Variants in CACNA1H observed in about 807,000 individuals in gnomAD.
CACNA1H encodes voltage-dependent T-type calcium channel subunit alpha-1H.
Under a neutral mutation model 192.5 loss-of-function variants are expected in CACNA1H, and 149 were observed. The observed-to-expected ratio is 0.77, with a 90% CI of 0.68 to 0.89. The LOEUF (loss-of-function observed/expected upper bound fraction) is 0.89. CACNA1H is among the 40% of genes least tolerant of loss of function. The pLI, the probability that CACNA1H is intolerant of heterozygous loss-of-function variation, is 0.00. For missense variants in CACNA1H, 4,257 were observed against 3,423.5 expected (o/e 1.24, Z -6.08); for synonymous variants, 2,202 against 1,475.2 (o/e 1.49, Z -11.29).
At chr16:1,212,950 C>G (rs1355316105) in intron 26 of CACNA1H, among the ~76,000 whole-genome samples, 1 of 152,252 alleles carries the variant, frequency 6.6e-6, no homozygotes, top group Non-Finnish European at 1.5e-5. Flanking sequence ...CTCTTCCAGG[C>G]CCTGGGCCAG....
rs376628149 is a variant in CACNA1H at position 1,219,071 on chromosome 16, G to A, written c.5989G>A (p.Ala1997Thr). 2.3e-4 allele frequency: 358 copies of A among 1,549,756 alleles called. 1 individual carries two copies. In the East Asian group the frequency reaches 3.2e-3, roughly 14 times the overall value. ...AGCCAGGAGCGGCGAGCCCCTCCAC[G>A]CCCTGTCCCCTCGGGGCACAGCCCG... ...SPARSGEPLH[A>T]LSPRGTARSP... The change falls in exon 34 of 35, where the codon GCC (alanine) becomes ACC (threonine). Residue 1997 changes from alanine (A) to threonine (T), a missense_variant. Coordinates refer to ENST00000348261, the MANE Select transcript of CACNA1H (RefSeq NM_021098.3).
Position 1,218,439 on chromosome 16 carries a change from G to A in CACNA1H, c.5675G>A (p.Arg1892His), listed in dbSNP as rs58667649. 1.9e-4 allele frequency: 301 copies of A among 1,552,680 alleles called. 3 individuals are homozygous for A. The Middle Eastern group carries it at 2.7e-3, about 14-fold the overall frequency. ...LEMAQGPGSA[R>H]RVDADRPPLP... ...ATGGCGCAGGGCCCCGGGAGTGCACGCCGGGTGGACGCGGACAGGCCTCCC... is the reference window on the plus strand; with the variant it reads ...ATGGCGCAGGGCCCCGGGAGTGCACACCGGGTGGACGCGGACAGGCCTCCC... The change falls in exon 33 of 35, where the codon CGC becomes CAC. Residue 1892 changes from arginine (R) to histidine (H), a missense_variant. Coordinates refer to ENST00000348261, the MANE Select transcript of CACNA1H (RefSeq NM_021098.3).
In CACNA1H at chr16:1,201,955, A is replaced by G; in HGVS notation, c.1505A>G (p.His502Arg). 1 of 1,546,252 alleles carries G rather than the reference A, an allele frequency of 6.5e-7. No individual in the cohort carries two copies. Among genetic ancestry groups the G allele is most frequent in the Non-Finnish European group, 8.7e-7 (1 of 1,144,932 alleles). Residue 502 changes from histidine to arginine, a missense_variant, in exon 9 of 35, where the codon CAC becomes CGC. Coordinates refer to ENST00000348261, the MANE Select transcript of CACNA1H (RefSeq NM_021098.3). ...GCTGTGCAAGGCCAGGGTCCCGGGC[A>G]CCGCCAGCGCCGGGCAGGCAGGCAC... ...PSAVQGQGPG[H>R]RQRRAGRHTA... is the part of the protein sequence containing the mutation.
chr16:1,212,652 G>GT lies in CACNA1H; in HGVS notation c.4777+125dup, dbSNP rs530709036. ...GCACAGGCAGCCGGAGGTGCTGGGC[G>GT]TGTGGCGTGAGGAGGGGCTGCGCTC... On this transcript the variant is annotated intron_variant, in intron 26 of 34. Transcript: ENST00000348261. The GT allele has an allele frequency of 1.1e-3, 1,296 of 1,214,686 alleles. 8 individuals are homozygous for GT. In the African/African-American group the frequency reaches 0.016, roughly 15 times the overall value. The allele number at this position is 1,214,686 out of a possible 1,614,324, so 75.2% of individuals were successfully genotyped here.
At chr16:1,155,010 C>T (rs561093664) in intron 2 of CACNA1H, among the ~76,000 whole-genome samples, 50 of 152,294 alleles carry the variant, frequency 3.3e-4, no homozygotes, top group African/African-American at 1.2e-3. Flanking sequence ...AGAGACCCTG[C>T]CCGCAGACGT....
intron 2 of CACNA1H, among the ~76,000 whole-genome samples, chr16:1,193,345 G>C (rs1198818027): frequency 6.6e-6 from 1 of 152,248 alleles, no homozygotes; most frequent in Non-Finnish European, 1.5e-5. Flanking sequence ...TGCCGGGTCA[G>C]GAGGCTGGGA....
intron 2 of CACNA1H, among the ~76,000 whole-genome samples, chr16:1,175,155 T>TGC (rs926217469): frequency 2.6e-5 from 4 of 151,832 alleles, no homozygotes; most frequent in African/African-American, 9.7e-5. Context: ...TGCCCTACTG[T>TGC]GCGCGCGGGC....
rs1197696504 is a variant in CACNA1H, at chr16:1,206,735, C to G, written c.2790-266C>G. The stretch of plus-strand genomic sequence containing the variant: ...GGTGTCCCAGGTTCCAGTTGCCACC[C>G]AAATCCAGAGTGGCTTCCCTCTGTC... On this transcript the variant is annotated intron_variant, in intron 12 of 34. Coordinates refer to ENST00000348261, the MANE Select transcript of CACNA1H (RefSeq NM_021098.3). The G allele has an allele frequency of 8.2e-6, 4 of 488,110 alleles. No individual in the cohort carries two copies. In the Admixed American group the frequency reaches 1.0e-4, roughly 13 times the overall value. 30.2% of individuals were successfully genotyped at this position (488,110 alleles called of 1,614,324 possible). A position where few individuals can be genotyped will look rare whatever the true frequency, so the allele number is the denominator to read the frequency against.
chr16:1,215,151 C>G, intron 28 of CACNA1H, 70 bp downstream of exon 28: 1 of 1,581,264 alleles, frequency 6.3e-7, no homozygotes, highest in Admixed American at 1.8e-5. Context: ...GCAGGTGAGG[C>G]CGCAGGCTTT....
rs957311944 is a variant in CACNA1H, at chr16:1,211,381, G to C, written c.4350+87G>C. 13 of 1,605,924 alleles carry C rather than the reference G, an allele frequency of 8.1e-6. No individual in the cohort carries two copies. The Admixed American group carries it at 8.4e-5, about 10-fold the overall frequency. ...GTGGCTCCCAGCAGCGCCGCTGCGGGACGGGGAGGGACAGCTCGGGCCTCA... is the reference window on the plus strand; with the variant it reads ...GTGGCTCCCAGCAGCGCCGCTGCGGCACGGGGAGGGACAGCTCGGGCCTCA... On this transcript the variant is annotated intron_variant, in intron 22 of 34. Transcript: ENST00000348261.
At position 1,211,762 on chromosome 16, in the gene CACNA1H, A is replaced by C. The variant is rs1270074774; in HGVS notation, c.4523A>C (p.Asn1508Thr). ...FVLSSKDGWV[N>T]IMYDGLDAVG... ...CTGTCATCCAAGGATGGATGGGTGAACATCATGTACGACGGGCTGGATGCC... is the reference window on the plus strand; with the variant it reads ...CTGTCATCCAAGGATGGATGGGTGACCATCATGTACGACGGGCTGGATGCC... Residue 1508 changes from asparagine to threonine, a missense_variant, in exon 24 of 35, where the codon AAC becomes ACC. Coordinates refer to ENST00000348261, the MANE Select transcript of CACNA1H (RefSeq NM_021098.3). The C allele has an allele frequency of 6.2e-7, 1 of 1,612,608 alleles. No individual in the cohort carries two copies. The highest frequency in any genetic ancestry group is 8.5e-7 in the Non-Finnish European group (1 of 1,179,742).
intron 31 of CACNA1H, among the ~76,000 whole-genome samples, chr16:1,217,357 C>G (rs1279159781): frequency 6.6e-6 from 1 of 152,228 alleles, no homozygotes; most frequent in African/African-American, 2.4e-5. Context: ...GTCACATGGT[C>G]CCAGGAGACA....
rs1968847313 is a variant in CACNA1H, at chr16:1,207,263, G to GCTATCCC, written c.2908-10_2908-4dup. 4 of 1,598,382 alleles carry GCTATCCC rather than the reference G, an allele frequency of 2.5e-6. No individual in the cohort carries two copies. The East Asian group carries it at 6.8e-5, about 27-fold the overall frequency. On this transcript the variant is annotated splice_polypyrimidine_tract_variant and intron_variant, in intron 13 of 34. Transcript: ENST00000348261. ...CTGGGGTGACCACCCCAGGCCCCCT[G>GCTATCCC]CTATCCCCCAGATCCTGACCCAGGA...
intron 14 of CACNA1H, 59 bp downstream of exon 14, chr16:1,207,489 C>A (rs1198529962): frequency 6.4e-7 from 1 of 1,558,568 alleles, no homozygotes; most frequent in Non-Finnish European, 8.8e-7. Flanking sequence ...AGACGGGCTT[C>A]AGGTCGAGGG....
chr16:1,156,200 A>G (rs1277776580), intron 2 of CACNA1H, among the ~76,000 whole-genome samples: 3 of 152,164 alleles, frequency 2.0e-5, no homozygotes, highest in African/African-American at 7.2e-5. Flanking sequence ...CCCAGCTCCA[A>G]ACGCAGTGAT....
At position 1,194,989 on chromosome 16, in the gene CACNA1H, G is replaced by T. The variant is rs1350187334; in HGVS notation, c.317G>T (p.Ser106Ile). Reference protein sequence around the residue: ...LVCNPWFEHVSMLVIMLNCVT... With the variant: ...LVCNPWFEHVIMLVIMLNCVT... ...GGCGACACATGGTTCGAGCACGTGAGCATGCTGGTAATCATGCTCAACTGC... is the reference window on the plus strand; with the variant it reads ...GGCGACACATGGTTCGAGCACGTGATCATGCTGGTAATCATGCTCAACTGC... The change falls in exon 3 of 35, where the codon AGC becomes ATC. Residue 106 changes from serine to isoleucine, a missense_variant. Transcript: ENST00000348261. 6.2e-7 allele frequency: 1 copy of T among 1,611,968 alleles called. No individual in the cohort carries two copies. Among genetic ancestry groups the T allele is most frequent in the Non-Finnish European group, 8.5e-7 (1 of 1,179,218 alleles).
intron 34 of CACNA1H, among the ~76,000 whole-genome samples, chr16:1,219,556 A>C (rs1480395374): frequency 1.3e-5 from 2 of 152,182 alleles, no homozygotes; most frequent in Non-Finnish European, 2.9e-5. Flanking sequence ...CAGATGTCCC[A>C]GCCTTGCCCA....
Position 1,216,975 on chromosome 16 carries a change from A to T in CACNA1H, c.5288A>T (p.Tyr1763Phe). The T allele has an allele frequency of 6.2e-7, 1 of 1,602,860 alleles. No homozygotes were observed. Among genetic ancestry groups the T allele is most frequent in the Non-Finnish European group, 8.5e-7 (1 of 1,174,954 alleles). ...GLLFMLLFFI[Y>F]AALGVELFGR... Reference sequence around the variant, plus strand: ...CTTTTCATGCTCCTGTTTTTTATCTATGCTGCGCTGGGAGTGGAGCTGTTC... The same window carrying T: ...CTTTTCATGCTCCTGTTTTTTATCTTTGCTGCGCTGGGAGTGGAGCTGTTC... Residue 1763 changes from tyrosine to phenylalanine, a missense_variant, in exon 31 of 35, where the codon TAT becomes TTT. Physicochemically the swap from Tyr to Phe is conservative, Grantham distance 22. Coordinates refer to ENST00000348261, the MANE Select transcript of CACNA1H (RefSeq NM_021098.3).
chr16:1,204,275 A>C lies in CACNA1H; in HGVS notation c.2268A>C (p.Pro756=). The part of the protein sequence containing the change: ...PRATDTPGPG[P]GSPQRRAQQR... ...CGACGGACACACCAGGCCCAGGCCC[A>C]GGCAGCCCCCAGCGGCGGGCACAGC... Residue 756 remains proline, a synonymous_variant, in exon 10 of 35, where the codon CCA becomes CCC. Transcript: ENST00000348261. The C allele has an allele frequency of 6.2e-7, 1 of 1,608,554 alleles. No individual in the cohort carries two copies. Among genetic ancestry groups the C allele is most frequent in the South Asian group, 1.1e-5 (1 of 90,634 alleles).
Sources: gnomAD v4.1 joint callset for allele counts (sites outside exome capture counted in the v4.1 genomes callset) on GRCh38, gnomAD v4.1.1 for gene constraint, MANE v1.5 for transcripts, NCBI Gene and HGNC (gene_info 2026-07-23, HGNC 2026-07-21) for gene names.